The following GPC3 variants were observed in gnomAD, a reference collection of about 807,000 sequenced individuals.
The protein encoded by GPC3 is glypican 3.
In GPC3, 3 loss-of-function variants were observed where a neutral mutation model predicts 34.4. That is an observed-to-expected ratio of 0.09 (90% confidence interval 0.04 to 0.23). The LOEUF is 0.23. Among genes scored for constraint, GPC3 ranks in the 10% least tolerant of loss-of-function variants. The pLI, the probability that GPC3 is intolerant of heterozygous loss-of-function variation, is 1.00. For missense variants in GPC3, 351 were observed against 445.6 expected (o/e 0.79, Z 1.91); for synonymous variants, 177 against 174.0 (o/e 1.02, Z -0.13).
intron 7 of GPC3, among the ~76,000 whole-genome samples, chrX:133,581,370 G>T (rs1466611882): frequency 4.5e-5 from 5 of 112,036 alleles, no homozygotes; most frequent in African/African-American, 1.6e-4. Flanking sequence ...CTCACTCATG[G>T]TAGCAAGAGC....
At chrX:133,626,505 G>C (rs1317516334) in intron 6 of GPC3, among the ~76,000 whole-genome samples, 2 of 110,203 alleles carry the variant, frequency 1.8e-5, no homozygotes, top group Non-Finnish European at 3.8e-5. Context: ...GTGGGCAAAG[G>C]ATATGAACAG....
At chrX:133,797,826 C>T (rs2075589865) in intron 2 of GPC3, among the ~76,000 whole-genome samples, 1 of 109,211 alleles carries the variant, frequency 9.2e-6, no homozygotes, top group African/African-American at 3.3e-5. Context: ...TGAGACTCTG[C>T]CTCAAAAAAA....
intron 2 of GPC3, among the ~76,000 whole-genome samples, chrX:133,843,967 A>G (rs1373744523): frequency 8.9e-6 from 1 of 112,147 alleles, no homozygotes; most frequent in East Asian, 2.8e-4. Context: ...AAAGTCTTAC[A>G]TAATAGATCT....
intron 2 of GPC3, among the ~76,000 whole-genome samples, chrX:133,794,027 C>G (rs940915721): frequency 7.2e-5 from 8 of 111,878 alleles, no homozygotes; most frequent in African/African-American, 2.6e-4. Flanking sequence ...CAAGAGACAA[C>G]AGAATGAAAG....
At chrX:133,884,937 T>G (rs1255165872) in intron 2 of GPC3, among the ~76,000 whole-genome samples, 1 of 112,192 alleles carries the variant, frequency 8.9e-6, no homozygotes, top group African/African-American at 3.2e-5. Flanking sequence ...ATTTTTTGTT[T>G]ACTCTCAAAA....
intron 3 of GPC3, among the ~76,000 whole-genome samples, chrX:133,739,092 A>G (rs1042391096): frequency 9.0e-6 from 1 of 111,209 alleles, no homozygotes; most frequent in African/African-American, 3.3e-5. Flanking sequence ...AGGTATGTAT[A>G]GGGAAAAAAA....
At chrX:133,739,489 C>G (rs971116813) in intron 3 of GPC3, among the ~76,000 whole-genome samples, 3 of 111,408 alleles carry the variant, frequency 2.7e-5, no homozygotes, top group African/African-American at 9.8e-5. Flanking sequence ...ATAGTTGAAG[C>G]AACCAAGGCT....
At chrX:133,962,300 C>T (rs1018244979) in intron 1 of GPC3, among the ~76,000 whole-genome samples, 12 of 111,926 alleles carry the variant, frequency 1.1e-4, no homozygotes, top group African/African-American at 3.2e-4. Flanking sequence ...TATATGCATG[C>T]CTTATTTCCA....
At chrX:133,952,328 A>G (rs1337960423) in intron 2 of GPC3, among the ~76,000 whole-genome samples, 1 of 111,760 alleles carries the variant, frequency 8.9e-6, no homozygotes, top group African/African-American at 3.3e-5. Flanking sequence ...TAATACATGT[A>G]AACCACTTAA....
At chrX:133,643,900 T>G (rs959371864) in intron 6 of GPC3, among the ~76,000 whole-genome samples, 2 of 107,186 alleles carry the variant, frequency 1.9e-5, no homozygotes, top group Admixed American at 2.0e-4. Context: ...CGATCTTGGC[T>G]CAGTGCAACC....
At chrX:133,586,261 C>G (rs1489928270) in intron 7 of GPC3, among the ~76,000 whole-genome samples, 2 of 111,734 alleles carry the variant, frequency 1.8e-5, no homozygotes, top group Non-Finnish European at 3.8e-5. Context: ...GGTATACCTA[C>G]TCAATTGGCA....
chrX:133,714,104 C>G (rs890853704), intron 3 of GPC3, among the ~76,000 whole-genome samples: 1 of 111,597 alleles, frequency 9.0e-6, no homozygotes. Context: ...GTATCACTTG[C>G]CAACTTCTTG....
In GPC3 at chrX:133,758,656, C is replaced by T. The variant is rs770414646; in HGVS notation, c.338-4480G>A. On this transcript the variant is annotated intron_variant, in intron 2 of 7. Coordinates refer to ENST00000370818, the MANE Select transcript of GPC3 (RefSeq NM_004484.4). ...GTAAATCACCATGGCACACGTTTAC[C>T]TATATAACAAACCTACACATCCTTC... Among the ~76,000 whole-genome samples the T allele has an allele frequency of 5.4e-5, 6 of 110,585 alleles. No individual in the cohort carries two copies. The South Asian group carries it at 2.3e-3, about 43-fold the overall frequency.
At chrX:133,615,734 C>T (rs1265120774) in intron 6 of GPC3, among the ~76,000 whole-genome samples, 1 of 107,328 alleles carries the variant, frequency 9.3e-6, no homozygotes, top group Non-Finnish European at 1.9e-5. Context: ...GAACATGTAT[C>T]CTAGAACTTC....
chrX:133,958,655 C>T (rs1219868951), intron 1 of GPC3, among the ~76,000 whole-genome samples: 4 of 105,272 alleles, frequency 3.8e-5, no homozygotes, highest in African/African-American at 1.4e-4. Flanking sequence ...TTTTAAAATA[C>T]CAAAAAAGTA....
At chrX:133,863,863 G>T (rs2075953155) in intron 2 of GPC3, among the ~76,000 whole-genome samples, 1 of 103,700 alleles carries the variant, frequency 9.6e-6, no homozygotes, top group Non-Finnish European at 2.0e-5. Context: ...CACCTTGTTA[G>T]CCAGGATGGT....
chrX:133,977,295 T>C (rs888397574), intron 1 of GPC3, among the ~76,000 whole-genome samples: 20 of 112,190 alleles, frequency 1.8e-4, no homozygotes, highest in Non-Finnish European at 2.8e-4. Flanking sequence ...GAAGAGGCCA[T>C]GAATAAGCTA....
At chrX:133,575,437 T>C (rs752165880) in intron 7 of GPC3, among the ~76,000 whole-genome samples, 1 of 112,216 alleles carries the variant, frequency 8.9e-6, no homozygotes, top group East Asian at 2.8e-4. Flanking sequence ...TCCCATAACA[T>C]GCAATTCTCT....
chrX:133,676,368 A>G (rs920319369), intron 5 of GPC3, among the ~76,000 whole-genome samples: 12 of 112,647 alleles, frequency 1.1e-4, no homozygotes, highest in African/African-American at 2.9e-4. Context: ...CATGGTGGGC[A>G]TGGGCAGAGA....
Sources: allele counts gnomAD v4.1 joint callset (sites outside exome capture counted in the v4.1 genomes callset), GRCh38; gene constraint gnomAD v4.1.1; transcripts MANE v1.5; gene names NCBI Gene and HGNC (gene_info 2026-07-23, HGNC 2026-07-21).